The following HMCN1 variants were observed in gnomAD, a reference collection of about 807,000 sequenced individuals.
HMCN1 encodes hemicentin 1.
A neutral mutation model predicts 625.9 loss-of-function variants in HMCN1; 321 were observed. The observed-to-expected ratio is 0.51, with a 90% CI of 0.47 to 0.56. The LOEUF is 0.56. Ranked by LOEUF, HMCN1 falls within the 20% of genes least tolerant of loss-of-function variation. The pLI is 0.00. For synonymous variants in HMCN1, 2,425 were observed against 2,417.6 expected (o/e 1.00, Z -0.09); for missense variants, 6,588 against 6,887.3 (o/e 0.96, Z 1.54).
chr1:185,752,710 T>C lies in HMCN1; in HGVS notation c.268+17663T>C, dbSNP rs988561021. On this transcript the variant is annotated intron_variant, in intron 1 of 106. Transcript: ENST00000271588. ...GTCTTTCTCATAGTAAAATATTTGC[T>C]TACACAGAAAACTGTAGGCCCAGAT... Among the ~76,000 whole-genome samples the C allele has an allele frequency of 6.6e-5, 10 of 152,256 alleles. No individual in the cohort carries two copies. The East Asian group carries it at 9.6e-4, about 15-fold the overall frequency.
At chr1:185,887,038 C>T (rs999294046) in intron 4 of HMCN1, among the ~76,000 whole-genome samples, 3 of 152,100 alleles carry the variant, frequency 2.0e-5, no homozygotes, top group Non-Finnish European at 4.4e-5. Flanking sequence ...CTTCTGCTTC[C>T]TTAACCTGAA....
rs1571692783 is a variant in HMCN1 at position 186,000,517 on chromosome 1, A to G, written c.4069+278A>G. On this transcript the variant is annotated intron_variant, in intron 26 of 106. Transcript: ENST00000271588. ...GCCATCTACTTATCCTCTATTTGGG[A>G]TAAAGGAAAGTTATCAGCGTGTAGG... Among the ~76,000 whole-genome samples, 4 of 151,438 alleles carry G rather than the reference A, an allele frequency of 2.6e-5. No homozygotes were observed. The East Asian group carries it at 7.8e-4, about 29-fold the overall frequency.
At chr1:185,989,707 G>A in intron 21 of HMCN1, 60 bp downstream of exon 21, 1 of 1,523,400 alleles carries the variant, frequency 6.6e-7, no homozygotes, top group East Asian at 2.3e-5. Context: ...AAAACTCACA[G>A]TTCTTTCCCC....
At chr1:186,061,442 A>G (rs912673431) in intron 46 of HMCN1, among the ~76,000 whole-genome samples, 1 of 151,838 alleles carries the variant, frequency 6.6e-6, no homozygotes, top group African/African-American at 2.4e-5. Context: ...CCCTCCCTTG[A>G]CCTCCCACCA....
At chr1:186,067,136 C>T (rs1318487726) in intron 49 of HMCN1, among the ~76,000 whole-genome samples, 3 of 152,162 alleles carry the variant, frequency 2.0e-5, no homozygotes, top group Non-Finnish European at 4.4e-5. Flanking sequence ...AGCAAGCAAA[C>T]TGGAAGTTAT....
At chr1:185,774,571 A>G (rs1290077709) in intron 1 of HMCN1, among the ~76,000 whole-genome samples, 1 of 152,170 alleles carries the variant, frequency 6.6e-6, no homozygotes, top group African/African-American at 2.4e-5. Flanking sequence ...AAATAAATGA[A>G]TTGCTGAGCT....
At position 186,001,305 on chromosome 1, in the gene HMCN1, A is replaced by G. The variant is rs759561290; in HGVS notation, c.4077A>G (p.Pro1359=). 9.3e-6 allele frequency: 15 copies of G among 1,611,142 alleles called. No homozygotes were observed. The Admixed American group carries it at 2.5e-4, about 27-fold the overall frequency. The change falls in exon 27 of 107, where the codon CCA becomes CCG. Residue 1359 remains proline, a synonymous_variant. Transcript: ENST00000271588. The part of the protein sequence containing the change: ...RKYNLKVHVP[P]VIKDKEQVTN... ...ACTCCTCTCTTTTTGCAGTTCCTCC[A>G]GTAATTAAAGATAAAGAACAAGTTA... is the stretch of plus-strand genomic sequence containing the variant.
chr1:185,790,629 TG>T (rs1657924254), intron 1 of HMCN1, among the ~76,000 whole-genome samples: 1 of 152,224 alleles, frequency 6.6e-6, no homozygotes, highest in South Asian at 2.1e-4. Context: ...GGGGCCTTGT[TG>T]GCATTTTGGG....
intron 89 of HMCN1, 119 bp downstream of exon 89, chr1:186,138,091 G>A: frequency 9.3e-7 from 1 of 1,071,810 alleles, no homozygotes; most frequent in South Asian, 1.4e-5. Flanking sequence ...CTACCCTTGA[G>A]AATATGTTCA....
chr1:186,052,874 C>A, intron 42 of HMCN1, 78 bp from the exon 43 acceptor site: 2 of 1,209,418 alleles, frequency 1.7e-6, no homozygotes, highest in Non-Finnish European at 2.4e-6. Context: ...TGAGTAGAAG[C>A]CTTTTATCTT....
At chr1:185,933,408 T>G in intron 10 of HMCN1, 141 bp from the exon 11 acceptor site, 2 of 774,206 alleles carry the variant, frequency 2.6e-6, no homozygotes, top group Non-Finnish European at 4.4e-6. Context: ...CATAGACATA[T>G]GCATTAATTG....
chr1:185,919,057 CCTCA>C (rs1304499258), intron 6 of HMCN1, among the ~76,000 whole-genome samples: 1 of 147,262 alleles, frequency 6.8e-6, no homozygotes, highest in Non-Finnish European at 1.5e-5. Flanking sequence ...GTAATTTTGG[CCTCA>C]CTAATTTTAG....
chr1:186,167,704 T>G (rs1020751305), intron 100 of HMCN1, among the ~76,000 whole-genome samples: 1 of 152,242 alleles, frequency 6.6e-6, no homozygotes, highest in Non-Finnish European at 1.5e-5. Context: ...GGTTTTGCCT[T>G]TTTCCAGAAT....
chr1:186,153,714 C>A, intron 96 of HMCN1, 36 bp from the exon 97 acceptor site: 2 of 1,554,200 alleles, frequency 1.3e-6, no homozygotes, highest in Non-Finnish European at 1.8e-6. Context: ...TTAGTATGAG[C>A]CATATTGATC....
intron 46 of HMCN1, among the ~76,000 whole-genome samples, chr1:186,059,430 C>G (rs757181499): frequency 2.6e-5 from 4 of 151,992 alleles, no homozygotes; most frequent in Admixed American, 1.3e-4. Context: ...GTGATGTGCT[C>G]TAGCTTGTTA....
At chr1:185,909,744 T>C (rs980493617) in intron 5 of HMCN1, among the ~76,000 whole-genome samples, 3 of 152,238 alleles carry the variant, frequency 2.0e-5, no homozygotes, top group Admixed American at 6.5e-5. Flanking sequence ...AGATGTAGTA[T>C]ACTAATTATA....
intron 9 of HMCN1, among the ~76,000 whole-genome samples, chr1:185,925,650 T>C (rs1243809524): frequency 6.6e-6 from 1 of 152,140 alleles, no homozygotes; most frequent in Non-Finnish European, 1.5e-5. Context: ...AGCGGGTTAG[T>C]TGGGTTGAAT....
intron 71 of HMCN1, among the ~76,000 whole-genome samples, chr1:186,111,373 G>A (rs1660878504): frequency 6.6e-6 from 1 of 152,142 alleles, no homozygotes; most frequent in Non-Finnish European, 1.5e-5. Flanking sequence ...CTCTGAGCCA[G>A]GTGTGGTGGT....
At chr1:185,784,107 G>A (rs1260868941) in intron 1 of HMCN1, among the ~76,000 whole-genome samples, 2 of 152,234 alleles carry the variant, frequency 1.3e-5, no homozygotes, top group Non-Finnish European at 2.9e-5. Flanking sequence ...TCAGACTGCT[G>A]TGCTAGCAAT....
Sources: gnomAD v4.1 joint callset for allele counts (sites outside exome capture counted in the v4.1 genomes callset) on GRCh38, gnomAD v4.1.1 for gene constraint, MANE v1.5 for transcripts, NCBI Gene and HGNC (gene_info 2026-07-23, HGNC 2026-07-21) for gene names.